The following CHL1 variants were observed in gnomAD, a reference collection of about 807,000 sequenced individuals.
CHL1 encodes neural cell adhesion molecule L1-like protein.
Under a neutral mutation model 141.9 loss-of-function variants are expected in CHL1, and 96 were observed. The observed-to-expected ratio is 0.68, with a 90% confidence interval of 0.57 to 0.80. CHL1 has a LOEUF of 0.80. Ranked by LOEUF, CHL1 falls within the 30% of genes least tolerant of loss-of-function variation. The probability of loss-of-function intolerance (pLI) is 0.00; values close to 1 mark genes in which losing one functional copy is unlikely to be tolerated. For synonymous variants in CHL1, 613 were observed against 502.2 expected (o/e 1.22, Z -2.95); for missense variants, 1,820 against 1,457.2 (o/e 1.25, Z -4.05).
chr3:361,878 G>A (rs150121366), intron 13 of CHL1, 68 bp downstream of exon 13: 79 of 1,070,772 alleles, frequency 7.4e-5, no homozygotes, highest in Non-Finnish European at 1.1e-4. Flanking sequence ...TTCTTCATCC[G>A]TCATTTGACA....
intron 18 of CHL1, among the ~76,000 whole-genome samples, chr3:382,943 C>G (rs1008390296): frequency 1.3e-5 from 2 of 151,946 alleles, no homozygotes; most frequent in Non-Finnish European, 2.9e-5. Context: ...TCAAGTTTAA[C>G]CAGATATCAT....
chr3:302,694 G>A (rs1239423914), intron 2 of CHL1, among the ~76,000 whole-genome samples: 1 of 152,184 alleles, frequency 6.6e-6, no homozygotes, highest in Non-Finnish European at 1.5e-5. Flanking sequence ...TCTGTAGGTT[G>A]CCTGTTCACT....
chr3:312,504 G>C (rs1245184039), intron 2 of CHL1, among the ~76,000 whole-genome samples: 1 of 152,176 alleles, frequency 6.6e-6, no homozygotes, highest in Non-Finnish European at 1.5e-5. Context: ...TTTAATGTTT[G>C]TGTATGTGTT....
chr3:240,261 T>G (rs565576639), intron 1 of CHL1, among the ~76,000 whole-genome samples: 10 of 151,370 alleles, frequency 6.6e-5, no homozygotes, highest in African/African-American at 2.5e-4. Flanking sequence ...CATCCACTAT[T>G]TTTTAAATTT....
intron 16 of CHL1, among the ~76,000 whole-genome samples, chr3:380,048 G>C (rs1174178157): frequency 6.6e-6 from 1 of 152,056 alleles, no homozygotes; most frequent in African/African-American, 2.4e-5. Context: ...ATCAGTTCTA[G>C]CTCCATACGA....
At chr3:328,130 AT>A (rs1701151616) in intron 4 of CHL1, 36 bp from the exon 5 acceptor site, 1 of 1,521,342 alleles carries the variant, frequency 6.6e-7, no homozygotes, top group African/African-American at 1.4e-5. Flanking sequence ...ATATGTCATT[AT>A]TTTTCAGGAT....
chr3:283,983 TCA>T (rs1313459980), intron 2 of CHL1, among the ~76,000 whole-genome samples: 1 of 152,212 alleles, frequency 6.6e-6, no homozygotes, highest in Non-Finnish European at 1.5e-5. Context: ...TTCCAGATAG[TCA>T]CACTCTCCCT....
chr3:237,990 C>T (rs1692160558), intron 1 of CHL1, among the ~76,000 whole-genome samples: 1 of 152,150 alleles, frequency 6.6e-6, no homozygotes, highest in African/African-American at 2.4e-5. Flanking sequence ...CAAAAGCCAA[C>T]ATTAACAAAG....
intron 2 of CHL1, among the ~76,000 whole-genome samples, chr3:290,316 T>C (rs984514709): frequency 5.3e-5 from 8 of 152,196 alleles, no homozygotes; most frequent in African/African-American, 1.9e-4. Context: ...TGTGATTCTC[T>C]GCACATGTTG....
intron 2 of CHL1, among the ~76,000 whole-genome samples, chr3:293,680 T>G (rs1574981637): frequency 6.6e-6 from 1 of 152,220 alleles, no homozygotes; most frequent in East Asian, 1.9e-4. Context: ...AACTTTCACT[T>G]TTGTTCTGTC....
chr3:312,446 G>T (rs1699830687), intron 2 of CHL1, among the ~76,000 whole-genome samples: 1 of 152,194 alleles, frequency 6.6e-6, no homozygotes, highest in Admixed American at 6.5e-5. Flanking sequence ...TATGACACTT[G>T]TAAATTGATT....
intron 9 of CHL1, among the ~76,000 whole-genome samples, chr3:346,281 GAC>G (rs1026392228): frequency 6.6e-6 from 1 of 152,142 alleles, no homozygotes; most frequent in African/African-American, 2.4e-5. Flanking sequence ...GAAGTACTAT[GAC>G]ACAGACTCTG....
chr3:231,495 T>C (rs774055887), intron 1 of CHL1, among the ~76,000 whole-genome samples: 2 of 152,052 alleles, frequency 1.3e-5, no homozygotes, highest in Non-Finnish European at 2.9e-5. Flanking sequence ...TTCTGCTAAG[T>C]GTTGGTTTTA....
At chr3:307,193 C>T (rs922002531) in intron 2 of CHL1, among the ~76,000 whole-genome samples, 4 of 152,138 alleles carry the variant, frequency 2.6e-5, no homozygotes, top group African/African-American at 9.7e-5. Flanking sequence ...TCTCTTATAA[C>T]CTAGCTACCA....
chr3:405,431 T>C (rs965375088), intron 27 of CHL1, 64 bp from the exon 28 acceptor site: 9 of 1,075,766 alleles, frequency 8.4e-6, no homozygotes, highest in Non-Finnish European at 1.1e-5. Context: ...CTTATGACTG[T>C]GTTGCTTTAC....
chr3:405,811 C>A lies in CHL1; in HGVS notation c.*100C>A. ...TCATATAGGAATAGAAACATGCTGG[C>A]CGAAGATTTCATCCAGAAGTCAACA... On this transcript the variant is annotated 3_prime_UTR_variant, in exon 28 of 28. Transcript: ENST00000256509. The A allele has an allele frequency of 1.3e-6, 1 of 786,810 alleles. No homozygotes were observed. The highest frequency in any genetic ancestry group is 2.1e-6 in the Non-Finnish European group (1 of 484,376). The allele number at this position is 786,810 out of a possible 1,614,324, so 48.7% of individuals were successfully genotyped here.
chr3:239,585 G>T, intron 1 of CHL1, among the ~76,000 whole-genome samples: 1 of 99,296 alleles, frequency 1.0e-5, no homozygotes, highest in African/African-American at 3.0e-5. Flanking sequence ...CATCTAAACA[G>T]TATATATATA....
At chr3:271,997 C>T (rs550168356) in intron 2 of CHL1, among the ~76,000 whole-genome samples, 2 of 152,132 alleles carry the variant, frequency 1.3e-5, no homozygotes, top group African/African-American at 4.8e-5. Context: ...ACTGTAAAAT[C>T]ATATGGTAGA....
intron 5 of CHL1, among the ~76,000 whole-genome samples, chr3:337,883 T>C (rs563767507): frequency 9.8e-5 from 15 of 152,324 alleles, no homozygotes; most frequent in East Asian, 1.9e-4. Flanking sequence ...TTTGGGTATA[T>C]ACCCAGTAAT....
Sources: allele counts gnomAD v4.1 joint callset (sites outside exome capture counted in the v4.1 genomes callset), GRCh38; gene constraint gnomAD v4.1.1; transcripts MANE v1.5; gene names NCBI Gene and HGNC (gene_info 2026-07-23, HGNC 2026-07-21).